The following APOOL variants were observed in gnomAD, a reference collection of about 807,000 sequenced individuals.
APOOL encodes apolipoprotein O like, also known as MICOS complex subunit MIC27.
APOOL carries 12 observed loss-of-function variants against 23.1 expected under a neutral mutation model. That is an observed-to-expected ratio of 0.52 (90% CI 0.33 to 0.84). The LOEUF (loss-of-function observed/expected upper bound fraction) is 0.84, where lower values mean the gene tolerates loss of function less well. Among genes scored for constraint, APOOL ranks in the 40% least tolerant of loss-of-function variants. APOOL has a pLI of 0.02. For missense variants in APOOL, 212 were observed against 199.6 expected, an observed-to-expected ratio of 1.06 and a Z score of -0.37; for synonymous variants, 77 against 69.9, an observed-to-expected ratio of 1.10 and a Z score of -0.51.
At chrX:85,046,661 G>A in intron 2 of APOOL, 111 bp downstream of exon 2, 1 of 586,263 alleles carries the variant, frequency 1.7e-6, no homozygotes, top group Non-Finnish European at 2.7e-6. Context: ...GTCTTTGTTA[G>A]GTAGATATTA....
chrX:85,017,789 T>G (rs189487758), intron 1 of APOOL, among the ~76,000 whole-genome samples: 2 of 111,870 alleles, frequency 1.8e-5, no homozygotes, highest in Admixed American at 1.9e-4. Flanking sequence ...GGTTAAATCC[T>G]TCTCCCATGA....
intron 1 of APOOL, among the ~76,000 whole-genome samples, chrX:85,033,463 G>A (rs1602751742): frequency 1.8e-5 from 2 of 111,819 alleles, no homozygotes; most frequent in African/African-American, 6.5e-5. Context: ...GGGCAACAGC[G>A]AAAAATGGAA....
chrX:85,087,738 G>A lies in APOOL; in HGVS notation c.*60G>A. The A allele has an allele frequency of 1.0e-6, 1 of 991,609 alleles. No homozygotes were observed. The highest frequency in any genetic ancestry group is 1.9e-5 in the African/African-American group (1 of 51,578). 81.7% of individuals were successfully genotyped at this position (991,609 alleles called of 1,213,427 possible). Reference sequence around the variant, plus strand: ...CAAGATGTGTGGCGTTGCAAATAATGATGAAAATAAATCATGTAATGGGTA... The same window carrying A: ...CAAGATGTGTGGCGTTGCAAATAATAATGAAAATAAATCATGTAATGGGTA... On this transcript the variant is annotated 3_prime_UTR_variant, in exon 9 of 9. Coordinates refer to ENST00000373173, the MANE Select transcript of APOOL (RefSeq NM_198450.6).
intron 8 of APOOL, among the ~76,000 whole-genome samples, chrX:85,079,687 C>G (rs1044441488): frequency 5.4e-5 from 6 of 111,464 alleles, no homozygotes; most frequent in Non-Finnish European, 5.6e-5. Flanking sequence ...CTTTGTATCT[C>G]TGGTAGATTT....
At chrX:85,026,551 A>G (rs1417090552) in intron 1 of APOOL, among the ~76,000 whole-genome samples, 3 of 112,863 alleles carry the variant, frequency 2.7e-5, no homozygotes, top group Non-Finnish European at 5.6e-5. Context: ...TTCTGTTTAA[A>G]TGTAATTTCT....
chrX:85,061,395 G>T (rs1047516561), intron 5 of APOOL, among the ~76,000 whole-genome samples: 1 of 111,551 alleles, frequency 9.0e-6, no homozygotes, highest in South Asian at 3.8e-4. Flanking sequence ...GCTGGCCTCA[G>T]AAAATGAGTT....
intron 1 of APOOL, among the ~76,000 whole-genome samples, chrX:85,006,066 T>C (rs189891590): frequency 1.2e-4 from 13 of 112,261 alleles, no homozygotes; most frequent in Non-Finnish European, 2.3e-4. Context: ...GACAACTTTA[T>C]GTGGTGGGTA....
intron 1 of APOOL, among the ~76,000 whole-genome samples, chrX:85,038,990 G>T (rs1922318688): frequency 9.0e-6 from 1 of 110,664 alleles, no homozygotes; most frequent in Admixed American, 9.7e-5. Flanking sequence ...TAGGTGTGAT[G>T]TTAGGTGATG....
rs781578725 is a variant in APOOL at position 85,077,113 on chromosome X, T to A, written c.718+2722T>A. On this transcript the variant is annotated intron_variant, in intron 8 of 8. Coordinates refer to ENST00000373173, the MANE Select transcript of APOOL (RefSeq NM_198450.6). ...TATATACACACACATATATATATAT[T>A]TTTTTAATTATACTTTAAGTTCTAG... Among the ~76,000 whole-genome samples, 205 of 102,449 alleles carry A rather than the reference T, an allele frequency of 2.0e-3. No individual in the cohort carries two copies. The South Asian group carries it at 0.02, about 10-fold the overall frequency. The allele number at this position is 102,449 out of a possible 115,157, so 89.0% of individuals were successfully genotyped here.
chrX:85,019,134 G>A (rs181950196), intron 1 of APOOL, among the ~76,000 whole-genome samples: 40 of 111,866 alleles, frequency 3.6e-4, no homozygotes, highest in Non-Finnish European at 4.1e-4. Context: ...TCACACAACC[G>A]CAGCTGTGGT....
rs1924397554 is a variant in APOOL at position 85,088,120 on chromosome X, A to AC, written c.*442_*443insC. The AC allele has an allele frequency of 1.2e-4, 2 of 16,138 alleles. No homozygotes were observed. The highest frequency in any genetic ancestry group is 1.1e-4 in the Non-Finnish European group (1 of 8,696). The allele number at this position is 16,138 out of a possible 1,213,427, so 1.3% of individuals were successfully genotyped here. A position where few individuals can be genotyped will look rare whatever the true frequency, so the allele number is the denominator to read the frequency against. On this transcript the variant is annotated 3_prime_UTR_variant, in exon 9 of 9. Transcript: ENST00000373173. ...TATACATATTTATACATATATGTAT[A>AC]AATACATACATATTTATACATATAT... is the stretch of plus-strand genomic sequence containing the variant.
intron 2 of APOOL, among the ~76,000 whole-genome samples, chrX:85,050,176 A>C (rs1922714635): frequency 8.9e-6 from 1 of 111,764 alleles, no homozygotes; most frequent in African/African-American, 3.3e-5. Context: ...AGAGTCATTT[A>C]ATGGTAAAAC....
chrX:85,015,053 T>C (rs1921418973), intron 1 of APOOL, among the ~76,000 whole-genome samples: 1 of 111,027 alleles, frequency 9.0e-6, no homozygotes, highest in Non-Finnish European at 1.9e-5. Flanking sequence ...CTGATTGGGT[T>C]AATTCGAAAG....
At chrX:85,055,525 C>T (rs1001004566) in intron 4 of APOOL, among the ~76,000 whole-genome samples, 1 of 111,760 alleles carries the variant, frequency 8.9e-6, no homozygotes, top group Non-Finnish European at 1.9e-5. Flanking sequence ...AGAAATTTAC[C>T]TTATAGTAAC....
chrX:85,051,266 A>T, intron 2 of APOOL, 123 bp from the exon 3 acceptor site: 1 of 788,797 alleles, frequency 1.3e-6, no homozygotes, highest in Admixed American at 3.4e-5. Context: ...TTTTAAAAGT[A>T]TTTTATCAGC....
Position 85,054,529 on chromosome X carries a change from T to C in APOOL, c.295+131T>C, listed in dbSNP as rs746371493. The C allele has an allele frequency of 1.5e-4, 60 of 399,433 alleles. No individual in the cohort carries two copies. The East Asian group carries it at 2.8e-3, about 18-fold the overall frequency. 32.9% of individuals were successfully genotyped at this position (399,433 alleles called of 1,213,427 possible). A position where few individuals can be genotyped will look rare whatever the true frequency, so the allele number is the denominator to read the frequency against. ...ACTCAGAAGGTACTCTCTATAGCAA[T>C]TTATTGATTAATTTATTGATTATTT... On this transcript the variant is annotated intron_variant, in intron 4 of 8. Coordinates refer to ENST00000373173, the MANE Select transcript of APOOL (RefSeq NM_198450.6).
intron 5 of APOOL, among the ~76,000 whole-genome samples, chrX:85,063,829 T>G (rs1178301742): frequency 9.0e-6 from 1 of 110,705 alleles, no homozygotes; most frequent in Non-Finnish European, 1.9e-5. Context: ...AAGTTTTCTT[T>G]TCTTTTCTTT....
intron 8 of APOOL, among the ~76,000 whole-genome samples, chrX:85,079,342 G>A (rs1053164087): frequency 1.8e-5 from 2 of 111,959 alleles, no homozygotes; most frequent in East Asian, 5.6e-4. Context: ...CATCTATTGA[G>A]ATAATCATGT....
At chrX:85,039,647 T>C (rs1569455784) in intron 1 of APOOL, among the ~76,000 whole-genome samples, 1 of 111,818 alleles carries the variant, frequency 8.9e-6, no homozygotes, top group Non-Finnish European at 1.9e-5. Flanking sequence ...GAACTCCTTA[T>C]TATATAATGT....
Sources: gnomAD v4.1 joint callset for allele counts (sites outside exome capture counted in the v4.1 genomes callset) on GRCh38, gnomAD v4.1.1 for gene constraint, MANE v1.5 for transcripts, NCBI Gene and HGNC (gene_info 2026-07-23, HGNC 2026-07-21) for gene names.